ARL3: variants seen among roughly 807,000 people sequenced by gnomAD.
ARL3 encodes the protein ADP-ribosylation factor-like protein 3.
A neutral mutation model predicts 26.0 loss-of-function variants in ARL3; 9 were observed. That is an observed-to-expected ratio of 0.35 (90% CI 0.21 to 0.60). The LOEUF is 0.60. Ranked by LOEUF, ARL3 falls within the 20% of genes least tolerant of loss-of-function variation. ARL3 has a pLI of 0.78. For synonymous variants in ARL3, 71 were observed against 78.4 expected (o/e 0.91, Z 0.50); for missense variants, 158 against 215.7 (o/e 0.73, Z 1.67).
chr10:102,704,680 G>T (rs1161873243), intron 2 of ARL3, among the ~76,000 whole-genome samples: 1 of 152,040 alleles, frequency 6.6e-6, no homozygotes, highest in Non-Finnish European at 1.5e-5. Context: ...AAAATAAAAA[G>T]AATATAGGTA....
intron 3 of ARL3, among the ~76,000 whole-genome samples, chr10:102,690,311 T>C (rs1403271023): frequency 1.3e-5 from 2 of 150,096 alleles, no homozygotes; most frequent in East Asian, 3.9e-4. Context: ...TTTTTTTTTT[T>C]TTTGAGACAG....
At chr10:102,690,591 T>C (rs559752670) in intron 3 of ARL3, among the ~76,000 whole-genome samples, 3 of 152,184 alleles carry the variant, frequency 2.0e-5, no homozygotes, top group Non-Finnish European at 4.4e-5. Context: ...TGGCCTACTT[T>C]GTTTAAATTA....
intron 1 of ARL3, among the ~76,000 whole-genome samples, chr10:102,711,981 T>C (rs1180998220): frequency 6.6e-6 from 1 of 152,170 alleles, no homozygotes; most frequent in African/African-American, 2.4e-5. Flanking sequence ...TTGAACATGC[T>C]TGAGAACGAC....
chr10:102,682,697 G>A (rs558592377), intron 5 of ARL3, among the ~76,000 whole-genome samples: 1 of 152,342 alleles, frequency 6.6e-6, no homozygotes, highest in Admixed American at 6.5e-5. Flanking sequence ...TTGTTAAGCA[G>A]TACAAGACAG....
chr10:102,687,202 C>A (rs1185978077), intron 4 of ARL3, among the ~76,000 whole-genome samples: 1 of 150,868 alleles, frequency 6.6e-6, no homozygotes, highest in Non-Finnish European at 1.5e-5. Context: ...TTTTAGCAAA[C>A]TCCTGAAGTG....
intron 5 of ARL3, among the ~76,000 whole-genome samples, chr10:102,679,632 T>C (rs1319250185): frequency 1.3e-5 from 2 of 152,194 alleles, no homozygotes; most frequent in Non-Finnish European, 2.9e-5. Context: ...GGAGGAATTC[T>C]GGTTTTATCC....
intron 3 of ARL3, among the ~76,000 whole-genome samples, chr10:102,694,995 G>A (rs562259954): frequency 3.9e-5 from 6 of 152,250 alleles, no homozygotes; most frequent in South Asian, 2.1e-4. Flanking sequence ...TTGGGAGTGC[G>A]GGCGTGAGCC....
chr10:102,684,938 T>A (rs2064175021), intron 5 of ARL3, among the ~76,000 whole-genome samples: 1 of 147,990 alleles, frequency 6.8e-6, no homozygotes. Context: ...CCACTGCACC[T>A]GGCCTTGATG....
At chr10:102,711,052 C>A (rs1464220533) in intron 1 of ARL3, among the ~76,000 whole-genome samples, 4 of 152,114 alleles carry the variant, frequency 2.6e-5, no homozygotes, top group Non-Finnish European at 5.9e-5. Context: ...ACATACGGTC[C>A]CCATAACTAG....
chr10:102,685,345 A>G (rs1479328295), intron 5 of ARL3, among the ~76,000 whole-genome samples: 1 of 151,934 alleles, frequency 6.6e-6, no homozygotes, highest in Admixed American at 6.6e-5. Context: ...GAAGCCTCCC[A>G]GTGGGAAACC....
At chr10:102,700,810 TC>T (rs2064276543) in intron 2 of ARL3, among the ~76,000 whole-genome samples, 1 of 127,598 alleles carries the variant, frequency 7.8e-6, no homozygotes, top group South Asian at 2.7e-4. Context: ...TGCTCTCGGC[TC>T]ACCGCAACCT....
At chr10:102,694,616 TG>T (rs1363473623) in intron 3 of ARL3, among the ~76,000 whole-genome samples, 1 of 152,162 alleles carries the variant, frequency 6.6e-6, no homozygotes, top group Non-Finnish European at 1.5e-5. Context: ...TGAACTGTCA[TG>T]TTCTTTTGTC....
intron 3 of ARL3, among the ~76,000 whole-genome samples, chr10:102,692,541 G>A (rs903548636): frequency 1.4e-5 from 2 of 146,036 alleles, no homozygotes; most frequent in Non-Finnish European, 3.0e-5. Context: ...TCAGCTTCTC[G>A]AGGAGCTGGG....
chr10:102,713,938 C>G (rs935721978), intron 1 of ARL3, among the ~76,000 whole-genome samples: 2 of 152,238 alleles, frequency 1.3e-5, no homozygotes, highest in Admixed American at 6.5e-5. Flanking sequence ...CTAGCGAAAG[C>G]TGCTCTCCGC....
chr10:102,682,893 T>C (rs2064162554), intron 5 of ARL3, among the ~76,000 whole-genome samples: 1 of 152,018 alleles, frequency 6.6e-6, no homozygotes, highest in Non-Finnish European at 1.5e-5. Flanking sequence ...GGCCAGCTTT[T>C]GGGGAGGTGG....
chr10:102,703,545 G>C (rs546944154), intron 2 of ARL3, among the ~76,000 whole-genome samples: 1 of 142,174 alleles, frequency 7.0e-6, no homozygotes, highest in Non-Finnish European at 1.5e-5. Flanking sequence ...CTGGGTTCAC[G>C]CCATTCTCCT....
At chr10:102,679,180 C>T (rs1372737926) in intron 5 of ARL3, among the ~76,000 whole-genome samples, 4 of 152,136 alleles carry the variant, frequency 2.6e-5, no homozygotes, top group Non-Finnish European at 5.9e-5. Context: ...AGGCATTGGC[C>T]AACAATGGTA....
chr10:102,711,326 GTGTGTGTGTGTA>G (rs1214263763), intron 1 of ARL3, among the ~76,000 whole-genome samples: 7 of 27,624 alleles, frequency 2.5e-4, no homozygotes, highest in African/African-American at 1.1e-3. Context: ...GTGTGTGTGT[GTGTGTGTGTGTA>G]TATATATATA....
chr10:102,694,787 C>T (rs1275111211), intron 3 of ARL3, among the ~76,000 whole-genome samples: 2 of 152,160 alleles, frequency 1.3e-5, no homozygotes, highest in East Asian at 3.9e-4. Flanking sequence ...GGTGCAATCT[C>T]GGCTCACTGC....
Sources: gnomAD v4.1 joint callset for allele counts (sites outside exome capture counted in the v4.1 genomes callset) on GRCh38, gnomAD v4.1.1 for gene constraint, MANE v1.5 for transcripts, NCBI Gene and HGNC (gene_info 2026-07-23, HGNC 2026-07-21) for gene names.